The following SSBP2 variants were observed in gnomAD, a reference collection of about 807,000 sequenced individuals.
The protein encoded by SSBP2 is single stranded DNA binding protein 2.
Under a neutral mutation model 61.8 loss-of-function variants are expected in SSBP2, and 17 were observed. The ratio of observed to expected loss-of-function variants is 0.28; its 90% CI spans 0.19 to 0.41. The LOEUF (loss-of-function observed/expected upper bound fraction) is 0.41. SSBP2 is among the 10% of genes least tolerant of loss of function. SSBP2 has a pLI of 1.00. For missense variants in SSBP2, 310 were observed against 458.7 expected, an observed-to-expected ratio of 0.68 and a Z score of 2.96; for synonymous variants, 139 against 141.3, an observed-to-expected ratio of 0.98 and a Z score of 0.12.
chr5:81,589,857 G>A (rs1775357347), intron 4 of SSBP2, among the ~76,000 whole-genome samples: 1 of 152,070 alleles, frequency 6.6e-6, no homozygotes, highest in Non-Finnish European at 1.5e-5. Context: ...GGGTGAGAGA[G>A]CAAGAGGGTG....
chr5:81,590,143 T>G (rs1775386201), intron 4 of SSBP2, among the ~76,000 whole-genome samples: 1 of 152,100 alleles, frequency 6.6e-6, no homozygotes, highest in Non-Finnish European at 1.5e-5. Flanking sequence ...TAGAGATGTC[T>G]GAAGTGGGGA....
At chr5:81,524,755 A>T (rs1336436168) in intron 4 of SSBP2, among the ~76,000 whole-genome samples, 2 of 152,028 alleles carry the variant, frequency 1.3e-5, no homozygotes, top group Non-Finnish European at 2.9e-5. Context: ...GCCTTGTGTG[A>T]ATAGTTTTTT....
intron 1 of SSBP2, among the ~76,000 whole-genome samples, chr5:81,693,077 C>T (rs935386410): frequency 5.3e-5 from 8 of 151,832 alleles, no homozygotes; most frequent in East Asian, 3.9e-4. Context: ...TGGTGGCACG[C>T]GCCTGTAGTC....
At chr5:81,658,459 A>G (rs1336429454) in intron 1 of SSBP2, among the ~76,000 whole-genome samples, 1 of 152,118 alleles carries the variant, frequency 6.6e-6, no homozygotes, top group African/African-American at 2.4e-5. Context: ...TCTACACATA[A>G]CCTGCACACA....
intron 4 of SSBP2, among the ~76,000 whole-genome samples, chr5:81,597,675 G>A (rs1325620098): frequency 6.6e-6 from 1 of 152,052 alleles, no homozygotes; most frequent in African/African-American, 2.4e-5. Context: ...ATACTATGCA[G>A]CCATAAAAAA....
At position 81,650,263 on chromosome 5, in the gene SSBP2, A is replaced by G; in HGVS notation, c.135+4T>C. On this transcript the variant is annotated splice_donor_region_variant and intron_variant, in intron 2 of 16. Coordinates refer to ENST00000320672, the MANE Select transcript of SSBP2 (RefSeq NM_012446.5). The stretch of plus-strand genomic sequence containing the variant: ...ATGCAATACAGAAAATATATAAAAC[A>G]TACCTCTGATAAAAATGTTTGAGCT... 6.4e-7 allele frequency: 1 copy of G among 1,563,500 alleles called. No homozygotes were observed. Among genetic ancestry groups the G allele is most frequent in the Non-Finnish European group, 8.7e-7 (1 of 1,148,828 alleles).
chr5:81,456,852 T>C (rs1764197808), intron 10 of SSBP2, among the ~76,000 whole-genome samples: 1 of 152,174 alleles, frequency 6.6e-6, no homozygotes, highest in South Asian at 2.1e-4. Flanking sequence ...AATACATATA[T>C]TATGGATAAG....
chr5:81,480,808 CAGT>C, intron 6 of SSBP2, among the ~76,000 whole-genome samples: 1 of 152,222 alleles, frequency 6.6e-6, no homozygotes, highest in Non-Finnish European at 1.5e-5. Flanking sequence ...TTTGATACCA[CAGT>C]AGAACTTCTT....
intron 1 of SSBP2, among the ~76,000 whole-genome samples, chr5:81,695,151 C>T (rs1362493026): frequency 5.3e-5 from 8 of 152,134 alleles, no homozygotes; most frequent in Admixed American, 4.6e-4. Context: ...TGAGTATATA[C>T]ATATAAACCA....
chr5:81,586,987 T>C (rs2917543), intron 4 of SSBP2, among the ~76,000 whole-genome samples: 45,721 of 151,946 alleles, frequency 0.3, 7,672 homozygotes, highest in East Asian at 0.7. Flanking sequence ...AAGTACATCC[T>C]GTGTTACTCC....
intron 4 of SSBP2, among the ~76,000 whole-genome samples, chr5:81,600,380 G>A (rs2153555931): frequency 6.6e-6 from 1 of 152,042 alleles, no homozygotes; most frequent in Middle Eastern, 3.4e-3. Flanking sequence ...GGCCAATACG[G>A]TGAAACCCTG....
chr5:81,602,789 A>G (rs2153562990), intron 4 of SSBP2, among the ~76,000 whole-genome samples: 1 of 152,282 alleles, frequency 6.6e-6, no homozygotes, highest in South Asian at 2.1e-4. Context: ...TTGCCAATCC[A>G]TAATTTCATT....
At chr5:81,459,073 T>G (rs1764358234) in intron 10 of SSBP2, among the ~76,000 whole-genome samples, 3 of 152,196 alleles carry the variant, frequency 2.0e-5, no homozygotes, top group Admixed American at 1.3e-4. Flanking sequence ...GCTAGTCAAA[T>G]GCCCATTTCA....
rs1251535291 is a variant in SSBP2 at position 81,588,210 on chromosome 5, TGGGATTACAGG to T, written c.282+27252_282+27262del. Among the ~76,000 whole-genome samples, 1,177 of 152,212 alleles carry T rather than the reference TGGGATTACAGG, an allele frequency of 7.7e-3. 15 individuals are homozygous for T. Among genetic ancestry groups the T allele is most frequent in the African/African-American group, 0.027 (1,135 of 41,524 alleles). On this transcript the variant is annotated intron_variant, in intron 4 of 16. Transcript: ENST00000320672. ...TGAACTCCTGGGCCTCCCAAAGTGC[TGGGATTACAGG>T]CATGAGCCACCATGCCTGGCTGAAA...
intron 9 of SSBP2, among the ~76,000 whole-genome samples, chr5:81,462,249 C>T (rs1352129421): frequency 6.6e-6 from 1 of 152,178 alleles, no homozygotes; most frequent in Non-Finnish European, 1.5e-5. Flanking sequence ...CATTCAAAGC[C>T]GTCCTGGGCC....
chr5:81,439,765 G>A (rs568254752), intron 14 of SSBP2, among the ~76,000 whole-genome samples: 1 of 148,054 alleles, frequency 6.8e-6, no homozygotes, highest in East Asian at 2.1e-4. Flanking sequence ...TCCGCCTCCC[G>A]GGTTCAAGCG....
intron 1 of SSBP2, among the ~76,000 whole-genome samples, chr5:81,661,622 T>C (rs1202726868): frequency 6.6e-6 from 1 of 152,204 alleles, no homozygotes; most frequent in Non-Finnish European, 1.5e-5. Context: ...TTTTTTCATA[T>C]ACTTGTTGGC....
At chr5:81,689,418 T>A (rs959883428) in intron 1 of SSBP2, among the ~76,000 whole-genome samples, 2 of 152,050 alleles carry the variant, frequency 1.3e-5, no homozygotes, top group African/African-American at 4.8e-5. Flanking sequence ...TCTCAAGGCA[T>A]CTAATAATCA....
chr5:81,594,098 T>A lies in SSBP2; in HGVS notation c.282+21375A>T, dbSNP rs540962269. On this transcript the variant is annotated intron_variant, in intron 4 of 16. Coordinates refer to ENST00000320672, the MANE Select transcript of SSBP2 (RefSeq NM_012446.5). ...CAGTGTGCTGTATTCAGGAAACCCATCTCACGTGAAGAGACACACACTGGC... is the reference window on the plus strand; with the variant it reads ...CAGTGTGCTGTATTCAGGAAACCCAACTCACGTGAAGAGACACACACTGGC... Among the ~76,000 whole-genome samples the A allele has an allele frequency of 5.3e-5, 8 of 152,102 alleles. No homozygotes were observed. The South Asian group carries it at 1.0e-3, about 20-fold the overall frequency.
Sources: gnomAD v4.1 joint callset for allele counts (sites outside exome capture counted in the v4.1 genomes callset) on GRCh38, gnomAD v4.1.1 for gene constraint, MANE v1.5 for transcripts, NCBI Gene and HGNC (gene_info 2026-07-23, HGNC 2026-07-21) for gene names.